NTRK1: variants seen among roughly 807,000 people sequenced by gnomAD.
NTRK1 encodes neurotrophic receptor tyrosine kinase 1.
In NTRK1, 62 loss-of-function variants were observed where a neutral mutation model predicts 86.8. The observed-to-expected ratio is 0.71, with a 90% CI of 0.58 to 0.88. The LOEUF (loss-of-function observed/expected upper bound fraction) is 0.88, where lower values mean the gene tolerates loss of function less well. NTRK1 is among the 40% of genes least tolerant of loss of function. The pLI, the probability that NTRK1 is intolerant of heterozygous loss-of-function variation, is 0.00. For synonymous variants in NTRK1, 469 were observed against 456.6 expected (o/e 1.03, Z -0.35); for missense variants, 967 against 1,078.4 (o/e 0.90, Z 1.45).
chr1:156,816,553 C>A, intron 1 of NTRK1: 1 of 871,748 alleles, frequency 1.1e-6, no homozygotes, highest in Non-Finnish European at 1.8e-6. Flanking sequence ...ATCAGCTTTG[C>A]CAGCTCTGGC....
chr1:156,854,086 T>C lies in NTRK1; in HGVS notation c.51-10268T>C. 6.2e-7 allele frequency: 1 copy of C among 1,614,042 alleles called. No homozygotes were observed. Among genetic ancestry groups the C allele is most frequent in the South Asian group, 1.1e-5 (1 of 91,076 alleles). On this transcript the variant is annotated intron_variant, in intron 2 of 16. Transcript: ENST00000392302. This position sits in a 1 kb window ranked among gnomAD's most constrained non-coding sequence, Gnocchi z 4.2. ...AGAGGCGCGTCCCGCGGATGACTGCTAGGTTGGGGAAGAGGTCGCGCAGGC... is the reference window on the plus strand; with the variant it reads ...AGAGGCGCGTCCCGCGGATGACTGCCAGGTTGGGGAAGAGGTCGCGCAGGC...
At chr1:156,867,108 G>A (rs1167399712) in intron 4 of NTRK1, 130 bp downstream of exon 4, 8 of 940,344 alleles carry the variant, frequency 8.5e-6, no homozygotes, top group Non-Finnish European at 1.2e-5. Context: ...GGGACTATGT[G>A]CATGCCAGTG....
chr1:156,876,342 T>G (rs2102918714), intron 13 of NTRK1, 58 bp from the exon 14 acceptor site: 1 of 1,610,680 alleles, frequency 6.2e-7, no homozygotes, highest in Non-Finnish European at 8.5e-7. Context: ...CTGCCCTGGG[T>G]GAACAGCAGT....
chr1:156,877,994 AGGCTCAGTGCTG>A (rs1296673622), intron 14 of NTRK1, among the ~76,000 whole-genome samples: 2 of 152,204 alleles, frequency 1.3e-5, no homozygotes, highest in African/African-American at 2.4e-5. Flanking sequence ...GACATGGCAT[AGGCTCAGTGCTG>A]GTCTTGGGGA....
chr1:156,861,730 A>G (rs1655662034), intron 1 of NTRK1, among the ~76,000 whole-genome samples: 1 of 151,940 alleles, frequency 6.6e-6, no homozygotes, highest in African/African-American at 2.4e-5. Context: ...GGATCTGGGA[A>G]ATGGGACCCC....
At chr1:156,844,909 G>A (rs1328474862) in intron 2 of NTRK1, 2 of 1,597,192 alleles carry the variant, frequency 1.3e-6, no homozygotes, top group African/African-American at 2.7e-5. Flanking sequence ...TCAAACCCAA[G>A]CTAAACTGGG....
intron 1 of NTRK1, among the ~76,000 whole-genome samples, chr1:156,862,731 G>C (rs1403956055): frequency 6.6e-6 from 1 of 152,172 alleles, no homozygotes; most frequent in Non-Finnish European, 1.5e-5. Flanking sequence ...ACGCTGGCCT[G>C]ACAGCTCCCA....
chr1:156,817,047 T>TTCTCTCTCTCTCTCTCTCTCTCTCTC (rs3840456), intron 1 of NTRK1, among the ~76,000 whole-genome samples: 1,232 of 113,748 alleles, frequency 0.011, 109 homozygotes, highest in South Asian at 0.015. Flanking sequence ...GAACTTCCCT[T>TTCTCTCTCTCTCTCTCTCTCTCTCTC]TCTCTCTCTC....
At chr1:156,857,984 T>A (rs1209803412), upstream of NTRK1, among the ~76,000 whole-genome samples, 1 of 152,012 alleles carries the variant, frequency 6.6e-6, no homozygotes, top group African/African-American at 2.4e-5. Context: ...CCCTGGGGTG[T>A]TGAGGAAGAG....
chr1:156,872,404 A>C (rs537104446), intron 7 of NTRK1, among the ~76,000 whole-genome samples: 5 of 152,192 alleles, frequency 3.3e-5, no homozygotes, highest in Non-Finnish European at 7.4e-5. Flanking sequence ...ATGCTTTCCT[A>C]TCGGTATCAT....
intron 2 of NTRK1, chr1:156,846,768 A>G (rs756613610): frequency 6.9e-6 from 11 of 1,605,718 alleles, no homozygotes; most frequent in Non-Finnish European, 9.4e-6. Context: ...CTGAACACCC[A>G]TCCCCAGAGC....
intron 4 of NTRK1, among the ~76,000 whole-genome samples, chr1:156,867,384 G>A (rs193299387): frequency 3.3e-5 from 5 of 152,376 alleles, no homozygotes; most frequent in Admixed American, 2.6e-4. Context: ...ACCATGCTGA[G>A]AGCCCTTGCC....
intron 2 of NTRK1, chr1:156,844,569 T>G: frequency 6.2e-7 from 1 of 1,614,112 alleles, no homozygotes; most frequent in Non-Finnish European, 8.5e-7. Context: ...CAGGGCCAGG[T>G]GGACTCCCCC....
At chr1:156,826,005 T>C (rs1164510824) in intron 1 of NTRK1, among the ~76,000 whole-genome samples, 1 of 152,072 alleles carries the variant, frequency 6.6e-6, no homozygotes, top group Non-Finnish European at 1.5e-5. Context: ...GATGGTCTGG[T>C]TTCAGATTTT....
intron 1 of NTRK1, among the ~76,000 whole-genome samples, chr1:156,832,781 C>G (rs1410384933): frequency 6.6e-6 from 1 of 152,184 alleles, no homozygotes; most frequent in African/African-American, 2.4e-5. Flanking sequence ...ATCCTCATTC[C>G]TTCATTTATG....
At chr1:156,864,975 C>G (rs548638375) in intron 3 of NTRK1, 176 bp downstream of exon 3, 2 of 680,976 alleles carry the variant, frequency 2.9e-6, no homozygotes. Context: ...GGCATGCTCT[C>G]GCCCCTGACA....
intron 4 of NTRK1, 42 bp from the exon 5 acceptor site, chr1:156,868,062 G>C: frequency 6.2e-7 from 1 of 1,612,414 alleles, no homozygotes; most frequent in Non-Finnish European, 8.5e-7. Context: ...TGATCCCTCA[G>C]GCCCTTTCCT....
intron 3 of NTRK1, 78 bp downstream of exon 3, chr1:156,864,877 C>G: frequency 2.1e-6 from 3 of 1,424,896 alleles, no homozygotes; most frequent in Non-Finnish European, 2.9e-6. Context: ...TGGCTGTCCC[C>G]GGGGAATGAT....
At chr1:156,867,006 A>G in intron 4 of NTRK1, 28 bp downstream of exon 4, 4 of 1,610,948 alleles carry the variant, frequency 2.5e-6, no homozygotes, top group Non-Finnish European at 3.4e-6. Context: ...CAGGGGCAAG[A>G]GCACCAAGTG....
Sources: allele counts gnomAD v4.1 joint callset (sites outside exome capture counted in the v4.1 genomes callset), GRCh38; gene constraint gnomAD v4.1.1; non-coding constraint Gnocchi (gnomAD v3.1); transcripts MANE v1.5; gene names NCBI Gene and HGNC (gene_info 2026-07-23, HGNC 2026-07-21).